GAD1: variants seen among roughly 807,000 people sequenced by gnomAD.
GAD1 encodes glutamate decarboxylase 1.
A neutral mutation model predicts 75.2 loss-of-function variants in GAD1; 35 were observed. The ratio of observed to expected loss-of-function variants is 0.47; its 90% CI spans 0.36 to 0.62. GAD1 has a LOEUF of 0.62. GAD1 is among the 20% of genes least tolerant of loss of function. The pLI is 0.00. For missense variants in GAD1, 490 were observed against 758.5 expected (o/e 0.65, Z 4.16); for synonymous variants, 257 against 271.9 (o/e 0.95, Z 0.54).
chr2:170,828,382 ACCC>A (rs1702094579), intron 3 of GAD1, among the ~76,000 whole-genome samples: 3 of 62,248 alleles, frequency 4.8e-5, no homozygotes, highest in East Asian at 4.2e-4. Flanking sequence ...TGCTGTCCTC[ACCC>A]TCCTCCCTCT....
intron 3 of GAD1, among the ~76,000 whole-genome samples, chr2:170,825,486 C>T (rs896650282): frequency 4.6e-5 from 7 of 152,234 alleles, no homozygotes; most frequent in Non-Finnish European, 1.0e-4. Context: ...TGCTGGGCTT[C>T]AGCTCCCACG....
intron 3 of GAD1, among the ~76,000 whole-genome samples, chr2:170,823,068 G>A (rs1241493718): frequency 6.6e-6 from 1 of 152,222 alleles, no homozygotes; most frequent in African/African-American, 2.4e-5. Context: ...TCACTTTCCT[G>A]GCTACATTTC....
At chr2:170,859,491 T>C (rs1702917194) in intron 16 of GAD1, among the ~76,000 whole-genome samples, 1 of 152,216 alleles carries the variant, frequency 6.6e-6, no homozygotes, top group Non-Finnish European at 1.5e-5. Flanking sequence ...CATTGTTCCA[T>C]GACTGACTTT....
At chr2:170,842,548 CTCT>C (rs780645694) in intron 6 of GAD1, 35 of 1,611,584 alleles carry the variant, frequency 2.2e-5, no homozygotes, top group Admixed American at 5.0e-5. Flanking sequence ...AGGAATCCTT[CTCT>C]TCTTCTTCCT....
At chr2:170,848,712 G>A (rs774474762) in intron 11 of GAD1, 1 of 518,578 alleles carries the variant, frequency 1.9e-6, no homozygotes, top group East Asian at 5.5e-5. Flanking sequence ...TGGCCAATAG[G>A]ATCATCTGCC....
intron 5 of GAD1, among the ~76,000 whole-genome samples, chr2:170,834,818 T>G (rs1292254020): frequency 6.7e-6 from 1 of 149,922 alleles, no homozygotes; most frequent in Non-Finnish European, 1.5e-5. Context: ...CAAGCTGGAG[T>G]GGAGTGCAGT....
intron 3 of GAD1, among the ~76,000 whole-genome samples, chr2:170,826,991 C>T (rs1418167313): frequency 6.6e-6 from 1 of 152,174 alleles, no homozygotes; most frequent in Non-Finnish European, 1.5e-5. Flanking sequence ...GATACAATCC[C>T]ATCTTTATAC....
At chr2:170,836,482 C>A (rs1702378130) in intron 5 of GAD1, among the ~76,000 whole-genome samples, 1 of 152,060 alleles carries the variant, frequency 6.6e-6, no homozygotes, top group South Asian at 2.1e-4. Context: ...GGTCATTTTA[C>A]TATATATATA....
rs56938472 is a variant in GAD1, at chr2:170,824,929, CGT to C, written c.145+2801_145+2802del. On this transcript the variant is annotated intron_variant, in intron 3 of 16. Coordinates refer to ENST00000358196, the MANE Select transcript of GAD1 (RefSeq NM_000817.3). ...TGAGCTGTTTTATTTAGCCTACACT[CGT>C]GTGTGTGTGTGTGTGTGTGTATGTA... Among the ~76,000 whole-genome samples the C allele has an allele frequency of 8.3e-4, 124 of 149,912 alleles. 1 individual carries two copies. The highest frequency in any genetic ancestry group is 8.5e-4 in the South Asian group (4 of 4,682).
At position 170,858,873 on chromosome 2, in the gene GAD1, C is replaced by T. The variant is rs745595462; in HGVS notation, c.1591C>T (p.Arg531Ter). The T allele has an allele frequency of 5.0e-6, 8 of 1,614,142 alleles. No individual in the cohort carries two copies. Among genetic ancestry groups the T allele is most frequent in the Non-Finnish European group, 6.8e-6 (8 of 1,179,996 alleles). The change falls in exon 16 of 17, where the codon CGA (arginine) becomes TGA (stop). Residue 531 changes from arginine (R) to a stop codon, truncating the protein, a stop_gained. Coordinates refer to ENST00000358196, the MANE Select transcript of GAD1 (RefSeq NM_000817.3). LOFTEE classifies it high-confidence loss of function. Reference protein sequence around the residue: ...SLRGVPDSPQRREKLHKVAPK... With the variant: ...SLRGVPDSPQ ...CAGGGGTGTGCCAGACAGCCCTCAACGACGGGAAAAGCTACACAAGGTATG... is the reference window on the plus strand; with the variant it reads ...CAGGGGTGTGCCAGACAGCCCTCAATGACGGGAAAAGCTACACAAGGTATG...
rs954181968 is a variant in GAD1, at chr2:170,859,906, T to A, written c.*24T>A. ...AATCATCCTTCGCAGAACATGAGTT[T>A]ATGGGAATGCCTTTTCCCTCTGGCA... On this transcript the variant is annotated 3_prime_UTR_variant, in exon 17 of 17. Coordinates refer to ENST00000358196, the MANE Select transcript of GAD1 (RefSeq NM_000817.3). 2.5e-6 allele frequency: 4 copies of A among 1,611,420 alleles called. No individual in the cohort carries two copies. The highest frequency in any genetic ancestry group is 3.4e-6 in the Non-Finnish European group (4 of 1,178,330).
chr2:170,857,139 A>G lies in GAD1; in HGVS notation c.1521+14A>G. The G allele has an allele frequency of 6.3e-7, 1 of 1,588,246 alleles. No homozygotes were observed. Among genetic ancestry groups the G allele is most frequent in the East Asian group, 2.2e-5 (1 of 44,754 alleles). On this transcript the variant is annotated intron_variant, in intron 15 of 16. Transcript: ENST00000358196. ...TTCAATGGCGAGGTAGGTAATCATC[A>G]TGGACCAGGTACACAGTATTTCCAG...
chr2:170,836,767 T>C (rs1239319065), intron 5 of GAD1, 26 bp from the exon 6 acceptor site: 1 of 1,562,636 alleles, frequency 6.4e-7, no homozygotes, highest in Admixed American at 1.7e-5. Context: ...TGCATTTGCC[T>C]TGATGCTTTT....
Position 170,829,644 on chromosome 2 carries a change from C to A in GAD1, c.304+11C>A. 2 of 1,611,900 alleles carry A rather than the reference C, an allele frequency of 1.2e-6. No individual in the cohort carries two copies. The highest frequency in any genetic ancestry group is 1.7e-6 in the Non-Finnish European group (2 of 1,179,666). ...ATCTGTTTGCTAGAGGTAGCCCCTGCCCCACTCCCGCCCCATGCTAGCCAG... is the reference window on the plus strand; with the variant it reads ...ATCTGTTTGCTAGAGGTAGCCCCTGACCCACTCCCGCCCCATGCTAGCCAG... On this transcript the variant is annotated intron_variant, in intron 4 of 16. Transcript: ENST00000358196.
intron 6 of GAD1, among the ~76,000 whole-genome samples, chr2:170,839,697 G>A (rs1032707971): frequency 2.6e-5 from 4 of 151,198 alleles, no homozygotes; most frequent in African/African-American, 7.3e-5. Flanking sequence ...TCTAAGCAAC[G>A]ACCCAGTGAA....
At chr2:170,828,452 C>T (rs1702098511) in intron 3 of GAD1, among the ~76,000 whole-genome samples, 1 of 144,522 alleles carries the variant, frequency 6.9e-6, no homozygotes, top group Non-Finnish European at 1.5e-5. Flanking sequence ...CTCCGCGGTC[C>T]TCGCTGTCCT....
chr2:170,828,297 T>C (rs1575428656), intron 3 of GAD1, among the ~76,000 whole-genome samples: 1 of 112,026 alleles, frequency 8.9e-6, no homozygotes, highest in African/African-American at 3.6e-5. Context: ...GTCCTCACCC[T>C]CCTCCCTCTG....
intron 3 of GAD1, chr2:170,828,921 A>G: frequency 7.5e-6 from 1 of 132,930 alleles, no homozygotes; most frequent in Non-Finnish European, 1.4e-5. Flanking sequence ...TGCTGTCCTC[A>G]CCCCTCCTCA....
intron 11 of GAD1, 147 bp from the exon 12 acceptor site, chr2:170,849,139 A>T: frequency 1.4e-6 from 1 of 727,290 alleles, no homozygotes; most frequent in Non-Finnish European, 2.5e-6. Context: ...CTGATTGAAC[A>T]ATCAGTGTGG....
Sources: gnomAD v4.1 joint callset for allele counts (sites outside exome capture counted in the v4.1 genomes callset) on GRCh38, gnomAD v4.1.1 for gene constraint, MANE v1.5 for transcripts, NCBI Gene and HGNC (gene_info 2026-07-23, HGNC 2026-07-21) for gene names.